The following IFT57 variants were observed in gnomAD, a reference collection of about 807,000 sequenced individuals.
IFT57 encodes the protein intraflagellar transport protein 57 homolog.
In IFT57, 59 loss-of-function variants were observed where a neutral mutation model predicts 56.8. The observed-to-expected ratio is 1.04, with a 90% confidence interval of 0.84 to 1.29. IFT57 has a LOEUF of 1.29. IFT57 is among the 50% of genes most tolerant of loss of function. The pLI, the probability that IFT57 is intolerant of heterozygous loss-of-function variation, is 0.00. For missense variants in IFT57, 470 were observed against 522.1 expected, an observed-to-expected ratio of 0.90 and a Z score of 0.97; for synonymous variants, 209 against 186.1, an observed-to-expected ratio of 1.12 and a Z score of -1.00.
At chr3:108,202,843 G>A (rs2080286560) in intron 5 of IFT57, among the ~76,000 whole-genome samples, 1 of 152,174 alleles carries the variant, frequency 6.6e-6, no homozygotes, top group Non-Finnish European at 1.5e-5. Flanking sequence ...CAATGTCATT[G>A]TTATAAGCAT....
At chr3:108,221,949 G>T (rs931637507) in intron 1 of IFT57, 162 bp downstream of exon 1, 2 of 1,389,710 alleles carry the variant, frequency 1.4e-6, no homozygotes, top group Non-Finnish European at 1.9e-6. Context: ...TGAGCTCCAC[G>T]GACCTCCCGG....
rs775128582 is a variant in IFT57, at chr3:108,222,256, C to T, written c.67G>A (p.Glu23Lys). The T allele has an allele frequency of 4.0e-5, 65 of 1,613,992 alleles. No homozygotes were observed. The highest frequency in any genetic ancestry group is 1.6e-4 in the Middle Eastern group (1 of 6,084). The part of the protein sequence containing the change: ...LEDGVPRSRG[E>K]GTGEVVLERG... ...TCCAAGACCACTTCCCCGGTCCCTT[C>T]GCCACGGGACCTAGGCACCCCATCT... The change falls in exon 1 of 11, where the codon GAA (glutamate) becomes AAA (lysine). Residue 23 changes from glutamate (E) to lysine (K), a missense_variant. Transcript: ENST00000264538.
intron 2 of IFT57, 135 bp from the exon 3 acceptor site, chr3:108,218,788 T>A (rs1441030796): frequency 2.1e-6 from 1 of 469,582 alleles, no homozygotes. Context: ...TTACACTGCT[T>A]CATACAAATC....
At chr3:108,190,940 G>T (rs1003358911) in intron 6 of IFT57, among the ~76,000 whole-genome samples, 3 of 151,944 alleles carry the variant, frequency 2.0e-5, no homozygotes, top group Admixed American at 2.0e-4. Flanking sequence ...TTACAGGCAC[G>T]TGCCACCATG....
chr3:108,206,544 A>G (rs2080314879), intron 5 of IFT57, 84 bp downstream of exon 5: 4 of 556,700 alleles, frequency 7.2e-6, no homozygotes, highest in Middle Eastern at 3.0e-4. Flanking sequence ...ACAATGGCCA[A>G]CAACGGTTTC....
chr3:108,206,084 A>G (rs2080311379), intron 5 of IFT57, among the ~76,000 whole-genome samples: 1 of 132,276 alleles, frequency 7.6e-6, no homozygotes, highest in South Asian at 2.2e-4. Flanking sequence ...ATTATATATA[A>G]ATAATATATA....
At chr3:108,222,057 G>A (rs1159420459) in intron 1 of IFT57, 54 bp downstream of exon 1, 2 of 1,551,890 alleles carry the variant, frequency 1.3e-6, no homozygotes, top group Admixed American at 2.0e-5. Context: ...ACCAAGGAGG[G>A]CATCTCCCTG....
At chr3:108,165,285 T>TAGGAAA (rs1201008371) in intron 9 of IFT57, 146 bp downstream of exon 9, 1 of 595,990 alleles carries the variant, frequency 1.7e-6, no homozygotes, top group Non-Finnish European at 3.1e-6. Context: ...GATTCAGTCA[T>TAGGAAA]AGGAAAATTA....
At chr3:108,177,738 CATAAAG>C (rs1380891624) in intron 6 of IFT57, among the ~76,000 whole-genome samples, 2 of 151,720 alleles carry the variant, frequency 1.3e-5, no homozygotes, top group African/African-American at 4.8e-5. Flanking sequence ...TTCTAAAAGA[CATAAAG>C]ATAATATCAT....
rs997073403 is a variant in IFT57 at position 108,180,551 on chromosome 3, C to T, written c.777+10970G>A. 2.5e-4 allele frequency among the ~76,000 whole-genome samples: 38 copies of T among 151,912 alleles called. 1 individual carries two copies. The highest frequency in any genetic ancestry group is 3.2e-4 in the Non-Finnish European group (22 of 67,944). The stretch of plus-strand genomic sequence containing the variant: ...TACTGATAAAACTCCCCACTTCCTC[C>T]CAGCTCAAAAAACTCTAAAAAACAA... On this transcript the variant is annotated intron_variant, in intron 6 of 10. Transcript: ENST00000264538.
At chr3:108,212,939 G>A (rs2080350918) in intron 4 of IFT57, among the ~76,000 whole-genome samples, 1 of 151,888 alleles carries the variant, frequency 6.6e-6, no homozygotes, top group Admixed American at 6.6e-5. Flanking sequence ...TGCCACCCCT[G>A]AGACAACAAG....
rs533981198 is a variant in IFT57 at position 108,187,581 on chromosome 3, G to C, written c.777+3940C>G. Among the ~76,000 whole-genome samples the C allele has an allele frequency of 5.4e-5, 8 of 148,916 alleles. No homozygotes were observed. The South Asian group carries it at 1.8e-3, about 33-fold the overall frequency. On this transcript the variant is annotated intron_variant, in intron 6 of 10. Transcript: ENST00000264538. ...CTCTAATAATTAAACTTGTTTTCAT[G>C]TAAGTTAAAAAAAAAAGGGGGGGAG...
intron 6 of IFT57, among the ~76,000 whole-genome samples, chr3:108,168,281 G>T (rs982196743): frequency 6.6e-6 from 1 of 151,752 alleles, no homozygotes; most frequent in African/African-American, 2.4e-5. Context: ...TGAAAATGGG[G>T]CCCTCATCTT....
At chr3:108,182,283 G>A (rs2080155302) in intron 6 of IFT57, among the ~76,000 whole-genome samples, 1 of 152,016 alleles carries the variant, frequency 6.6e-6, no homozygotes, top group East Asian at 1.9e-4. Flanking sequence ...ATTGTTTCTA[G>A]AGGATACAGA....
intron 7 of IFT57, 94 bp from the exon 8 acceptor site, chr3:108,167,079 A>G: frequency 1.8e-6 from 2 of 1,082,872 alleles, no homozygotes; most frequent in Non-Finnish European, 2.6e-6. Flanking sequence ...CATTCTACAA[A>G]TAATCAACTA....
intron 4 of IFT57, among the ~76,000 whole-genome samples, chr3:108,213,449 T>C (rs1167876671): frequency 6.6e-6 from 1 of 152,176 alleles, no homozygotes; most frequent in African/African-American, 2.4e-5. Flanking sequence ...ATGTAAAACA[T>C]GTAAAAAGTT....
intron 4 of IFT57, among the ~76,000 whole-genome samples, chr3:108,208,163 G>A (rs73202307): frequency 0.035 from 5,368 of 152,132 alleles, 142 homozygotes; most frequent in Non-Finnish European, 0.052. Flanking sequence ...CATAAATGTA[G>A]ATTCTATACA....
Position 108,222,387 on chromosome 3 carries a change from C to T in IFT57, c.-65G>A, listed in dbSNP as rs1446770783. On this transcript the variant is annotated 5_prime_UTR_variant, in exon 1 of 11. Transcript: ENST00000264538. ...GACCTCTGCGGCCTAAGCCGCCAGCCCTGCCGCCGCCAGTACAGCCACGAC... is the reference window on the plus strand; with the variant it reads ...GACCTCTGCGGCCTAAGCCGCCAGCTCTGCCGCCGCCAGTACAGCCACGAC... The T allele has an allele frequency of 6.8e-7, 1 of 1,467,644 alleles. No homozygotes were observed. Among genetic ancestry groups the T allele is most frequent in the Non-Finnish European group, 9.1e-7 (1 of 1,099,686 alleles). 90.9% of individuals were successfully genotyped at this position (1,467,644 alleles called of 1,614,324 possible). A position where few individuals can be genotyped will look rare whatever the true frequency, so the allele number is the denominator to read the frequency against.
At chr3:108,208,053 A>G (rs930033311) in intron 4 of IFT57, among the ~76,000 whole-genome samples, 8 of 151,962 alleles carry the variant, frequency 5.3e-5, no homozygotes, top group South Asian at 2.1e-4. Context: ...AAAAGAAAAA[A>G]AAAAAAAAAG....
Sources: gnomAD v4.1 joint callset for allele counts (sites outside exome capture counted in the v4.1 genomes callset) on GRCh38, gnomAD v4.1.1 for gene constraint, MANE v1.5 for transcripts, NCBI Gene and HGNC (gene_info 2026-07-23, HGNC 2026-07-21) for gene names.